ANXA8: variants seen among roughly 807,000 people sequenced by gnomAD.
ANXA8 encodes annexin A8.
Under a neutral mutation model 26.8 loss-of-function variants are expected in ANXA8, and 9 were observed. The observed-to-expected ratio is 0.34, with a 90% confidence interval of 0.20 to 0.59. The LOEUF (loss-of-function observed/expected upper bound fraction) is 0.59. Ranked by LOEUF, ANXA8 falls within the 20% of genes least tolerant of loss-of-function variation. ANXA8 has a pLI of 0.84. For missense variants in ANXA8, 83 were observed against 238.5 expected (o/e 0.35, Z 4.29); for synonymous variants, 39 against 94.8 (o/e 0.41, Z 3.42).
chr10:47,950,943 G>A, the ANXA8 span, among the ~76,000 whole-genome samples: 272 of 150,388 alleles, frequency 1.8e-3, no homozygotes, highest in Non-Finnish European at 6.2e-4. Context: ...CCTAATGTAA[G>A]TAGAAGAAAG....
the ANXA8 span, among the ~76,000 whole-genome samples, chr10:47,580,788 AAAC>A: frequency 6.7e-6 from 1 of 149,854 alleles, no homozygotes; most frequent in Non-Finnish European, 1.5e-5. Context: ...AAACAAAAAA[AAAC>A]AGGCCAGGCT....
At chr10:47,693,512 G>A in the ANXA8 span, among the ~76,000 whole-genome samples, 2 of 151,470 alleles carry the variant, frequency 1.3e-5, no homozygotes, top group African/African-American at 4.9e-5. Flanking sequence ...GGATGGTCTC[G>A]ATATCCTCAC....
the ANXA8 span, among the ~76,000 whole-genome samples, chr10:47,650,734 G>A: frequency 6.8e-6 from 1 of 147,876 alleles, no homozygotes; most frequent in East Asian, 2.0e-4. Context: ...TTAAACCCAG[G>A]AGGCTGCAGT....
At chr10:47,498,250 G>T in the ANXA8 span, among the ~76,000 whole-genome samples, 1 of 149,648 alleles carries the variant, frequency 6.7e-6, no homozygotes, top group Non-Finnish European at 1.5e-5. Context: ...AAGGAACACC[G>T]TATTTGTCTT....
At chr10:47,756,897 G>A in the ANXA8 span, among the ~76,000 whole-genome samples, 1 of 144,574 alleles carries the variant, frequency 6.9e-6, no homozygotes, top group Non-Finnish European at 1.5e-5. Flanking sequence ...GGTGGAGGTG[G>A]AGGCAGGCAG....
chr10:47,670,034 C>T, the ANXA8 span, among the ~76,000 whole-genome samples: 389 of 151,956 alleles, frequency 2.6e-3, 1 homozygote, highest in African/African-American at 8.9e-3. Context: ...CCTCCCCCAG[C>T]CCCTGGAAGC....
At chr10:47,695,752 C>T in the ANXA8 span, among the ~76,000 whole-genome samples, 4 of 151,730 alleles carry the variant, frequency 2.6e-5, no homozygotes, top group African/African-American at 7.3e-5. Flanking sequence ...CTCCCTTCCC[C>T]TCTTTCTCTT....
the ANXA8 span, among the ~76,000 whole-genome samples, chr10:47,647,116 T>A: frequency 1.3e-5 from 2 of 152,380 alleles, no homozygotes; most frequent in Admixed American, 6.5e-5. Context: ...ACTATTAACA[T>A]CACTTTGCTC....
the ANXA8 span, among the ~76,000 whole-genome samples, chr10:47,716,567 C>T: frequency 5.4e-5 from 6 of 111,554 alleles, no homozygotes; most frequent in Non-Finnish European, 1.0e-4. Flanking sequence ...AAGACAATAC[C>T]TCTCAAAAAA....
At chr10:47,689,651 T>G in the ANXA8 span, 1 of 626,344 alleles carries the variant, frequency 1.6e-6, no homozygotes. Context: ...AATATCCATA[T>G]GCAAAAATAT....
chr10:47,716,478 T>C, the ANXA8 span, among the ~76,000 whole-genome samples: 30 of 125,988 alleles, frequency 2.4e-4, 3 homozygotes, highest in South Asian at 6.4e-3. Flanking sequence ...TATGTGTAAA[T>C]ATGTTTTCCA....
chr10:47,949,652 T>C, the ANXA8 span, among the ~76,000 whole-genome samples: 1 of 150,662 alleles, frequency 6.6e-6, no homozygotes, highest in African/African-American at 2.5e-5. Context: ...AGTATATGGT[T>C]GTAAGGTCTT....
chr10:47,772,349 G>T, the ANXA8 span, among the ~76,000 whole-genome samples: 3 of 152,342 alleles, frequency 2.0e-5, no homozygotes, highest in South Asian at 6.2e-4. Flanking sequence ...AAGAAGGAAA[G>T]GAATCTGATA....
chr10:47,675,528 C>T, the ANXA8 span, among the ~76,000 whole-genome samples: 1 of 151,902 alleles, frequency 6.6e-6, no homozygotes, highest in Non-Finnish European at 1.5e-5. Context: ...ATATTTGAAG[C>T]CAGTGATTAA....
chr10:47,645,870 T>G, the ANXA8 span, among the ~76,000 whole-genome samples: 3 of 149,674 alleles, frequency 2.0e-5, no homozygotes, highest in African/African-American at 7.7e-5. Context: ...ACATCCATCT[T>G]CTCTTATCCT....
At chr10:47,924,798 C>T in the ANXA8 span, among the ~76,000 whole-genome samples, 1 of 147,112 alleles carries the variant, frequency 6.8e-6, no homozygotes, top group East Asian at 2.1e-4. Context: ...ATTTCTTGAG[C>T]CACTCTCTTG....
chr10:47,651,387 A>G, the ANXA8 span, among the ~76,000 whole-genome samples: 1 of 151,694 alleles, frequency 6.6e-6, no homozygotes, highest in Non-Finnish European at 1.5e-5. Flanking sequence ...ATGTAAAATG[A>G]TACAGATGCT....
chr10:47,751,025 A>T, the ANXA8 span: 2 of 146,920 alleles, frequency 1.4e-5, no homozygotes, highest in Non-Finnish European at 3.0e-5. Flanking sequence ...ATTTGTAATT[A>T]AAAAAATCTT....
chr10:47,669,729 A>G, the ANXA8 span, among the ~76,000 whole-genome samples: 1 of 151,896 alleles, frequency 6.6e-6, no homozygotes, highest in African/African-American at 2.4e-5. Context: ...ACAAAAACAA[A>G]AAAACCCCAA....
Sources: allele counts gnomAD v4.1 joint callset (sites outside exome capture counted in the v4.1 genomes callset), GRCh38; gene constraint gnomAD v4.1.1; transcripts MANE v1.5; gene names NCBI Gene and HGNC (gene_info 2026-07-23, HGNC 2026-07-21).